The following LGSN variants were observed in gnomAD, a reference collection of about 807,000 sequenced individuals.
The protein encoded by LGSN is lengsin, lens protein with glutamine synthetase domain.
Under a neutral mutation model 19.5 loss-of-function variants are expected in LGSN, and 21 were observed. That is an observed-to-expected ratio of 1.07 (90% CI 0.76 to 1.55). The LOEUF is 1.55. Among genes scored for constraint, LGSN ranks in the 40% most tolerant of loss-of-function variants. The probability of loss-of-function intolerance (pLI) is 0.00; values close to 1 mark genes in which losing one functional copy is unlikely to be tolerated. For missense variants in LGSN, 673 were observed against 608.5 expected (o/e 1.11, Z -1.12); for synonymous variants, 257 against 215.6 (o/e 1.19, Z -1.68).
chr6:63,474,010 A>G, the LGSN span, among the ~76,000 whole-genome samples: 3 of 151,436 alleles, frequency 2.0e-5, no homozygotes, highest in Non-Finnish European at 2.9e-5. Context: ...TCATTTATAA[A>G]TTGACTTGGT....
chr6:63,366,682 T>A, the LGSN span, among the ~76,000 whole-genome samples: 1 of 152,092 alleles, frequency 6.6e-6, no homozygotes, highest in Non-Finnish European at 1.5e-5. Flanking sequence ...CTACCTGACT[T>A]CAAACTATAC....
At chr6:63,343,811 C>A in the LGSN span, among the ~76,000 whole-genome samples, 1 of 152,222 alleles carries the variant, frequency 6.6e-6, no homozygotes, top group South Asian at 2.1e-4. Flanking sequence ...ATCCCATGAG[C>A]CTTTTAAAAG....
chr6:63,474,383 C>T, the LGSN span, among the ~76,000 whole-genome samples: 7 of 150,422 alleles, frequency 4.7e-5, no homozygotes, highest in East Asian at 2.0e-4. Context: ...CCAAGGTGGG[C>T]GGATCACGAG....
At chr6:63,545,734 A>G in the LGSN span, among the ~76,000 whole-genome samples, 1 of 152,216 alleles carries the variant, frequency 6.6e-6, no homozygotes, top group African/African-American at 2.4e-5. Flanking sequence ...GTATTTAGGA[A>G]CCAAAATCTG....
chr6:63,311,308 T>C (rs746109859), intron 1 of LGSN, among the ~76,000 whole-genome samples: 1 of 152,204 alleles, frequency 6.6e-6, no homozygotes, highest in Non-Finnish European at 1.5e-5. Flanking sequence ...CAGTCAGAAT[T>C]GTGTAAACTT....
At chr6:63,530,470 G>A in the LGSN span, among the ~76,000 whole-genome samples, 2 of 152,066 alleles carry the variant, frequency 1.3e-5, no homozygotes, top group Admixed American at 6.6e-5. Context: ...AGGCTTAGAC[G>A]CCCAGATGTA....
the LGSN span, among the ~76,000 whole-genome samples, chr6:63,371,745 A>G: frequency 6.6e-6 from 1 of 152,230 alleles, no homozygotes; most frequent in African/African-American, 2.4e-5. Flanking sequence ...TTATAACCCA[A>G]TACTAATGAC....
the LGSN span, among the ~76,000 whole-genome samples, chr6:63,507,345 T>C: frequency 6.6e-6 from 1 of 152,202 alleles, no homozygotes; most frequent in Non-Finnish European, 1.5e-5. Flanking sequence ...GGAGGGTTAT[T>C]GGTGCTACAG....
Position 63,285,690 on chromosome 6 carries a change from A to C in LGSN, c.227T>G (p.Ile76Ser). Reference protein sequence around the residue: ...PPQLSSRMKHIRQAMAKNRLQ... With the variant: ...PPQLSSRMKHSRQAMAKNRLQ... ...GCGATTTTTGGCCATGGCTTGTCTA[A>C]TGTGTTTCATTCTAGAAGAGAGTTG... is the stretch of plus-strand genomic sequence containing the variant. The change falls in exon 3 of 4, where the codon ATT (isoleucine) becomes AGT (serine). Residue 76 changes from isoleucine (I) to serine (S), a missense_variant. By Grantham distance (142) the Ile-to-Ser change is moderately radical. Transcript: ENST00000370657. 1.2e-6 allele frequency: 2 copies of C among 1,614,054 alleles called. No homozygotes were observed. The highest frequency in any genetic ancestry group is 1.7e-6 in the Non-Finnish European group (2 of 1,179,966).
At chr6:63,383,290 C>T in the LGSN span, among the ~76,000 whole-genome samples, 1 of 151,478 alleles carries the variant, frequency 6.6e-6, no homozygotes, top group Non-Finnish European at 1.5e-5. Flanking sequence ...TTAAAACTTT[C>T]TCAATGACAG....
the LGSN span, among the ~76,000 whole-genome samples, chr6:63,366,716 A>T: frequency 2.0e-5 from 3 of 152,236 alleles, no homozygotes; most frequent in Admixed American, 6.5e-5. Context: ...TAACCAAAAC[A>T]GCATGGTACT....
chr6:63,561,675 G>T, the LGSN span, among the ~76,000 whole-genome samples: 4 of 152,234 alleles, frequency 2.6e-5, no homozygotes, highest in South Asian at 2.1e-4. Flanking sequence ...ACGTTTAGAG[G>T]TGATTTCTTG....
At chr6:63,376,057 G>A in the LGSN span, among the ~76,000 whole-genome samples, 6 of 151,912 alleles carry the variant, frequency 3.9e-5, 1 homozygote, top group Admixed American at 6.6e-5. Context: ...GTCCAAACCC[G>A]TTCTAACACA....
the LGSN span, among the ~76,000 whole-genome samples, chr6:63,351,242 A>G: frequency 1.3e-5 from 2 of 152,176 alleles, no homozygotes; most frequent in South Asian, 4.1e-4. Flanking sequence ...GGACTTCTCA[A>G]ACTTCAGAAC....
the LGSN span, among the ~76,000 whole-genome samples, chr6:63,489,037 G>C: frequency 6.6e-6 from 1 of 151,936 alleles, no homozygotes; most frequent in Admixed American, 6.6e-5. Flanking sequence ...TATCAAAGCA[G>C]GTAAAATAAT....
At chr6:63,373,073 C>G in the LGSN span, among the ~76,000 whole-genome samples, 1 of 152,148 alleles carries the variant, frequency 6.6e-6, no homozygotes, top group African/African-American at 2.4e-5. Context: ...TATCAAAGAA[C>G]CAAAGCCATT....
At chr6:63,370,752 G>T in the LGSN span, among the ~76,000 whole-genome samples, 1 of 152,210 alleles carries the variant, frequency 6.6e-6, no homozygotes, top group East Asian at 1.9e-4. Flanking sequence ...CAGGGCTCTG[G>T]GTTCCTGTGA....
At chr6:63,436,805 G>T in the LGSN span, among the ~76,000 whole-genome samples, 1 of 152,184 alleles carries the variant, frequency 6.6e-6, no homozygotes, top group Admixed American at 6.5e-5. Context: ...GGAGGCTGAG[G>T]CAGGTGGATT....
the LGSN span, among the ~76,000 whole-genome samples, chr6:63,515,181 T>C: frequency 6.6e-6 from 1 of 151,618 alleles, no homozygotes; most frequent in Non-Finnish European, 1.5e-5. Flanking sequence ...GCAACTGATA[T>C]ATATCATTTA....
Sources: allele counts gnomAD v4.1 joint callset (sites outside exome capture counted in the v4.1 genomes callset), GRCh38; gene constraint gnomAD v4.1.1; transcripts MANE v1.5; gene names NCBI Gene and HGNC (gene_info 2026-07-23, HGNC 2026-07-21).